The following ITPR1 variants were observed in gnomAD, a reference collection of about 807,000 sequenced individuals.
The protein encoded by ITPR1 is inositol 1,4,5-trisphosphate-gated calcium channel ITPR1.
Under a neutral mutation model 318.4 loss-of-function variants are expected in ITPR1, and 96 were observed. That is an observed-to-expected ratio of 0.30 (90% CI 0.26 to 0.36). ITPR1 has a LOEUF of 0.36. ITPR1 is among the 10% of genes least tolerant of loss of function. The pLI is 1.00. For synonymous variants in ITPR1, 1,312 were observed against 1,289.9 expected, an observed-to-expected ratio of 1.02 and a Z score of -0.37; for missense variants, 2,440 against 3,460.2, an observed-to-expected ratio of 0.71 and a Z score of 7.40.
rs1559965669 is a variant in ITPR1 at position 4,826,952 on chromosome 3, C to G, written c.8028+8710C>G. On this transcript the variant is annotated intron_variant, in intron 60 of 61. Transcript: ENST00000649015. The surrounding 1 kb of genome is among the most constrained non-coding windows in gnomAD (Gnocchi z 4.2). ...CAGGAGTCTAGTCTGTGAGACTGTG[C>G]AGGACATGAGGGTTATGCACAGACA... 6.6e-6 allele frequency among the ~76,000 whole-genome samples: 1 copy of G among 152,290 alleles called. No individual in the cohort carries two copies. Among genetic ancestry groups the G allele is most frequent in the East Asian group, 1.9e-4 (1 of 5,174 alleles).
At chr3:4,805,671 C>G (rs115321910) in intron 54 of ITPR1, among the ~76,000 whole-genome samples, 1,691 of 152,292 alleles carry the variant, frequency 0.011, 24 homozygotes, top group African/African-American at 0.038. Context: ...AAATTGCCAC[C>G]TTACAGTGCC....
chr3:4,721,172 G>GTGTATATATATATATA lies in ITPR1; in HGVS notation c.5136+3774_5136+3775insGTATATATATATATAT, dbSNP rs1356149562. Among the ~76,000 whole-genome samples the GTGTATATATATATATA allele has an allele frequency of 4.1e-4, 51 of 125,058 alleles. 1 individual carries two copies. The highest frequency in any genetic ancestry group is 3.3e-3 in the South Asian group (13 of 3,996). The allele number at this position is 125,058 out of a possible 152,430, so 82.0% of individuals were successfully genotyped here. On this transcript the variant is annotated intron_variant, in intron 40 of 61. Transcript: ENST00000649015. ...TGTGTGTAGATACGTGTGTGTGCGT[G>GTGTATATATATATATA]TATATATATATATATATATATATAT...
intron 4 of ITPR1, among the ~76,000 whole-genome samples, chr3:4,559,261 T>G (rs1009872585): frequency 2.0e-5 from 3 of 152,124 alleles, no homozygotes; most frequent in Non-Finnish European, 4.4e-5. Context: ...TTCTGAGTCT[T>G]TTAATCTTGA....
intron 38 of ITPR1, among the ~76,000 whole-genome samples, chr3:4,711,281 A>G (rs140932463): frequency 6.7e-6 from 1 of 149,742 alleles, no homozygotes; most frequent in African/African-American, 2.5e-5. Flanking sequence ...TTGGGGCTGG[A>G]CTCTGCATGT....
At chr3:4,623,783 C>A (rs751133827) in intron 4 of ITPR1, among the ~76,000 whole-genome samples, 1 of 152,156 alleles carries the variant, frequency 6.6e-6, no homozygotes, top group Non-Finnish European at 1.5e-5. Context: ...GAAGGCAGGG[C>A]AAAATCAGCA....
chr3:4,631,799 G>A (rs531439756), intron 5 of ITPR1, among the ~76,000 whole-genome samples: 25 of 152,136 alleles, frequency 1.6e-4, no homozygotes, highest in Admixed American at 1.4e-3. Context: ...ATGGAGTGGG[G>A]TGCTAGGTTC....
rs183586625 is a variant in ITPR1, at chr3:4,645,324, G to C, written c.625-63G>C. ...TTCCTAGGCTGCGGTGAGAAGTCTG[G>C]GGGCTGGATGACACAGTTGTTGTGA... On this transcript the variant is annotated intron_variant, in intron 8 of 61. Transcript: ENST00000649015. 2.2e-5 allele frequency: 25 copies of C among 1,132,458 alleles called. No individual in the cohort carries two copies. In the African/African-American group the frequency reaches 2.6e-4, roughly 12 times the overall value. 70.2% of individuals were successfully genotyped at this position (1,132,458 alleles called of 1,614,324 possible). A position where few individuals can be genotyped will look rare whatever the true frequency, so the allele number is the denominator to read the frequency against.
intron 55 of ITPR1, among the ~76,000 whole-genome samples, chr3:4,810,214 C>G (rs2106484601): frequency 6.6e-6 from 1 of 152,306 alleles, no homozygotes; most frequent in East Asian, 1.9e-4. Context: ...CAGTCACACC[C>G]CAAAGCCACA....
intron 51 of ITPR1, 150 bp downstream of exon 51, chr3:4,784,070 C>G: frequency 1.7e-6 from 1 of 573,492 alleles, no homozygotes; most frequent in Non-Finnish European, 3.1e-6. Flanking sequence ...TGCTGGACAT[C>G]CCATGGCCAA....
chr3:4,544,082 C>T (rs1046155255), intron 4 of ITPR1, among the ~76,000 whole-genome samples: 3 of 152,164 alleles, frequency 2.0e-5, no homozygotes, highest in Non-Finnish European at 4.4e-5. Context: ...TATCTTCATG[C>T]TCCTAGCAGT....
chr3:4,651,753 A>G (rs910314299), intron 10 of ITPR1, among the ~76,000 whole-genome samples: 2 of 152,248 alleles, frequency 1.3e-5, no homozygotes, highest in Non-Finnish European at 2.9e-5. Context: ...GTGTTCTAGC[A>G]CATGAGTACA....
intron 52 of ITPR1, among the ~76,000 whole-genome samples, chr3:4,789,607 GT>G (rs10554388): frequency 2.9e-3 from 105 of 36,670 alleles, no homozygotes; most frequent in African/African-American, 8.6e-3. Flanking sequence ...TTTTGTTTTT[GT>G]TTTTGTTTTT....
intron 45 of ITPR1, chr3:4,768,282 CA>C (rs1351555059): frequency 1.6e-5 from 7 of 448,134 alleles, no homozygotes; most frequent in Non-Finnish European, 2.7e-5. Context: ...CTCTGAAACA[CA>C]CTGTACACGT....
chr3:4,735,263 A>G lies in ITPR1; in HGVS notation c.5453A>G (p.Asp1818Gly), dbSNP rs1328249173. 1 of 1,613,906 alleles carries G rather than the reference A, an allele frequency of 6.2e-7. No individual in the cohort carries two copies. The change falls in exon 44 of 62, where the codon GAC becomes GGC. Residue 1818 changes from aspartate to glycine, a missense_variant. Transcript: ENST00000649015. ...GAGGGGGCTTCCAATCTAGTTATCG[A>G]CCTCATCATGAACGCATCCAGTGAC... ...DKEGASNLVIDLIMNASSDRV... is the reference protein window; with the variant it reads ...DKEGASNLVIGLIMNASSDRV...
intron 13 of ITPR1, among the ~76,000 whole-genome samples, chr3:4,659,637 A>T (rs987936288): frequency 2.0e-5 from 3 of 151,844 alleles, no homozygotes; most frequent in African/African-American, 7.3e-5. Context: ...GTGAGCCCAG[A>T]TTGTGCCAAC....
In ITPR1 at chr3:4,653,976, A is replaced by G. The variant is rs564675367; in HGVS notation, c.996+90A>G. 17 of 920,094 alleles carry G rather than the reference A, an allele frequency of 1.8e-5. No homozygotes were observed. The African/African-American group carries it at 2.5e-4, about 13-fold the overall frequency. 57.0% of individuals were successfully genotyped at this position (920,094 alleles called of 1,614,324 possible). On this transcript the variant is annotated intron_variant, in intron 12 of 61. Coordinates refer to ENST00000649015, the MANE Select transcript of ITPR1 (RefSeq NM_001378452.1). The stretch of plus-strand genomic sequence containing the variant: ...CATTTAAGAAACTGTCACTGTGGTC[A>G]CGGAGTGCTGGGGAAGGAGGAACCT...
At chr3:4,577,041 A>G (rs2088741098) in intron 4 of ITPR1, among the ~76,000 whole-genome samples, 1 of 152,234 alleles carries the variant, frequency 6.6e-6, no homozygotes, top group Non-Finnish European at 1.5e-5. Flanking sequence ...CAGTCTAATG[A>G]AGGTGTCAGT....
At chr3:4,647,927 G>C (rs1349344582) in intron 10 of ITPR1, among the ~76,000 whole-genome samples, 2 of 152,338 alleles carry the variant, frequency 1.3e-5, no homozygotes, top group East Asian at 3.9e-4. Flanking sequence ...CAAGGTGGGT[G>C]GATCACCTGA....
intron 55 of ITPR1, among the ~76,000 whole-genome samples, chr3:4,810,816 G>T (rs898843143): frequency 1.3e-4 from 20 of 152,160 alleles, no homozygotes; most frequent in African/African-American, 4.8e-4. Context: ...CAGAGTTCTT[G>T]CCACTGACGC....
Sources: allele counts gnomAD v4.1 joint callset (sites outside exome capture counted in the v4.1 genomes callset), GRCh38; gene constraint gnomAD v4.1.1; non-coding constraint Gnocchi (gnomAD v3.1); transcripts MANE v1.5; gene names NCBI Gene and HGNC (gene_info 2026-07-23, HGNC 2026-07-21).